ZNF277: variants seen among roughly 807,000 people sequenced by gnomAD.
The protein encoded by ZNF277 is zinc finger protein 277, also known as nuclear receptor-interacting factor 4.
Under a neutral mutation model 60.7 loss-of-function variants are expected in ZNF277, and 55 were observed. The ratio of observed to expected loss-of-function variants is 0.91; its 90% CI spans 0.73 to 1.13. ZNF277 has a LOEUF of 1.13. ZNF277 is among the 50% of genes most tolerant of loss of function. The pLI, the probability that ZNF277 is intolerant of heterozygous loss-of-function variation, is 0.00. For synonymous variants in ZNF277, 178 were observed against 179.3 expected (o/e 0.99, Z 0.06); for missense variants, 510 against 523.0 (o/e 0.98, Z 0.24).
intron 1 of ZNF277, among the ~76,000 whole-genome samples, chr7:112,209,129 CA>C (rs1821670116): frequency 6.6e-6 from 1 of 151,882 alleles, no homozygotes; most frequent in African/African-American, 2.4e-5. Context: ...CATCATATTC[CA>C]AAATATGATT....
At position 112,340,962 on chromosome 7, in the gene ZNF277, A is replaced by T. The variant is rs1479088019; in HGVS notation, c.1100A>T (p.Lys367Ile). Residue 367 changes from lysine (K) to isoleucine (I), a missense_variant, in exon 11 of 12, where the codon AAA becomes ATA. Lys to Ile is a moderately radical substitution (Grantham distance 102, BLOSUM62 -3). Coordinates refer to ENST00000361822, the MANE Select transcript of ZNF277 (RefSeq NM_021994.3). Reference sequence around the variant, plus strand: ...TGTTATGGCTGCCATGTGAAGTTCAAATCCAAAGCAGACTTAAGAACTCAC... The same window carrying T: ...TGTTATGGCTGCCATGTGAAGTTCATATCCAAAGCAGACTTAAGAACTCAC... ...CRCYGCHVKF[K>I]SKADLRTHME... 1 of 1,612,904 alleles carries T rather than the reference A, an allele frequency of 6.2e-7. No homozygotes were observed. The highest frequency in any genetic ancestry group is 8.5e-7 in the Non-Finnish European group (1 of 1,179,606).
rs79338360 is a variant in ZNF277, at chr7:112,332,400, G to A, written c.801+2184G>A. Among the ~76,000 whole-genome samples, 1,060 of 152,128 alleles carry A rather than the reference G, an allele frequency of 7.0e-3. 5 individuals are homozygous for A. Among genetic ancestry groups the A allele is most frequent in the South Asian group, 0.024 (114 of 4,804 alleles). On this transcript the variant is annotated intron_variant, in intron 7 of 11. Coordinates refer to ENST00000361822, the MANE Select transcript of ZNF277 (RefSeq NM_021994.3). The stretch of plus-strand genomic sequence containing the variant: ...AATTTTCCAAAGGTCACATGGCTAG[G>A]GCAAGTTACTTATCCTGTGCATCAG...
At chr7:112,210,841 C>T (rs1056791217) in intron 1 of ZNF277, among the ~76,000 whole-genome samples, 1 of 152,150 alleles carries the variant, frequency 6.6e-6, no homozygotes, top group African/African-American at 2.4e-5. Flanking sequence ...CAATTTGTCT[C>T]CTAAAATTAA....
intron 1 of ZNF277, among the ~76,000 whole-genome samples, chr7:112,227,127 G>A (rs1051768363): frequency 1.1e-4 from 16 of 152,130 alleles, no homozygotes; most frequent in Admixed American, 3.9e-4. Flanking sequence ...GACTTTGAAT[G>A]CATCTTATTT....
rs1002391884 is a variant in ZNF277, at chr7:112,340,779, T to G, written c.1010-93T>G. The G allele has an allele frequency of 4.6e-5, 48 of 1,050,846 alleles. No homozygotes were observed. The Admixed American group carries it at 6.0e-4, about 13-fold the overall frequency. The allele number at this position is 1,050,846 out of a possible 1,614,324, so 65.1% of individuals were successfully genotyped here. ...AATTGTACTGCCTCTTCAGGTTGATTAATAAAAATAAGTGGCTCCTTTAAG... is the reference window on the plus strand; with the variant it reads ...AATTGTACTGCCTCTTCAGGTTGATGAATAAAAATAAGTGGCTCCTTTAAG... On this transcript the variant is annotated intron_variant, in intron 10 of 11. Transcript: ENST00000361822.
intron 1 of ZNF277, among the ~76,000 whole-genome samples, chr7:112,210,444 C>T (rs1186389478): frequency 2.7e-5 from 4 of 146,400 alleles, no homozygotes; most frequent in Non-Finnish European, 4.5e-5. Context: ...GATTTTTTTG[C>T]TTTTTTTGTT....
intron 1 of ZNF277, among the ~76,000 whole-genome samples, chr7:112,255,035 A>G: frequency 6.6e-6 from 1 of 152,192 alleles, no homozygotes; most frequent in East Asian, 1.9e-4. Context: ...CTATAGTAGT[A>G]GGTAATGACT....
chr7:112,218,013 C>T (rs187971649), intron 1 of ZNF277, among the ~76,000 whole-genome samples: 1 of 152,230 alleles, frequency 6.6e-6, no homozygotes, highest in East Asian at 1.9e-4. Flanking sequence ...GATTCCCTAT[C>T]CACCAAATTA....
chr7:112,317,153 G>T (rs373330574), intron 4 of ZNF277, among the ~76,000 whole-genome samples: 3 of 152,024 alleles, frequency 2.0e-5, no homozygotes, highest in Non-Finnish European at 4.4e-5. Flanking sequence ...CCTATCAGGG[G>T]TTGAGGGGCT....
chr7:112,312,290 C>T (rs924324955), intron 4 of ZNF277, among the ~76,000 whole-genome samples: 4 of 152,042 alleles, frequency 2.6e-5, no homozygotes, highest in East Asian at 1.9e-4. Flanking sequence ...AAGATTTAGA[C>T]GTAGAATACC....
At chr7:112,264,240 C>A (rs751252122) in intron 1 of ZNF277, among the ~76,000 whole-genome samples, 1 of 151,824 alleles carries the variant, frequency 6.6e-6, no homozygotes, top group Admixed American at 6.6e-5. Flanking sequence ...AACCCGTTGC[C>A]CTGGCCTACA....
chr7:112,307,205 G>C lies in ZNF277; in HGVS notation c.465+10894G>C, dbSNP rs1045293815. On this transcript the variant is annotated intron_variant, in intron 4 of 11. Transcript: ENST00000361822. ...CTGAGAACTTGGAGGAAGCCCATGG[G>C]GGGAGTTGGACCCCTTGTGTCTAGG... is the stretch of plus-strand genomic sequence containing the variant. Among the ~76,000 whole-genome samples, 10 of 152,134 alleles carry C rather than the reference G, an allele frequency of 6.6e-5. No homozygotes were observed. The East Asian group carries it at 1.2e-3, about 18-fold the overall frequency.
At chr7:112,257,994 G>A (rs1399956807) in intron 1 of ZNF277, among the ~76,000 whole-genome samples, 3 of 151,564 alleles carry the variant, frequency 2.0e-5, no homozygotes, top group Non-Finnish European at 4.4e-5. Context: ...TTTTTTCTTT[G>A]TAGAGACAGG....
chr7:112,257,363 G>GA (rs144406571), intron 1 of ZNF277, among the ~76,000 whole-genome samples: 6,579 of 152,156 alleles, frequency 0.043, 337 homozygotes, highest in African/African-American at 0.13. Context: ...AAACTGGCAG[G>GA]AAAAATAGAC....
chr7:112,281,009 C>A (rs918207562), intron 1 of ZNF277, among the ~76,000 whole-genome samples: 8 of 152,220 alleles, frequency 5.3e-5, no homozygotes, highest in Non-Finnish European at 1.2e-4. Flanking sequence ...ACAAATCTTA[C>A]TGAATTATGT....
rs201592352 is a variant in ZNF277 at position 112,295,893 on chromosome 7, G to T, written c.318G>T (p.Arg106Ser). The T allele has an allele frequency of 4.1e-4, 668 of 1,612,508 alleles. No homozygotes were observed. The highest frequency in any genetic ancestry group is 4.3e-4 in the Non-Finnish European group (502 of 1,178,974). Residue 106 changes from arginine (R) to serine (S), a missense_variant, in exon 3 of 12, where the codon AGG (arginine) becomes AGT (serine). Arg to Ser is a moderately radical substitution (Grantham distance 110). Coordinates refer to ENST00000361822, the MANE Select transcript of ZNF277 (RefSeq NM_021994.3). ...FQRYILYWRK[R>S]FTEQPITDFC... ...GGTACATTTTATATTGGAGGAAAAG[G>T]TTCACTGAACAGCCCATCACAGATT...
chr7:112,314,402 T>C (rs1000718849), intron 4 of ZNF277, among the ~76,000 whole-genome samples: 1 of 152,240 alleles, frequency 6.6e-6, no homozygotes, highest in South Asian at 2.1e-4. Context: ...AGAACCGCTA[T>C]TGAGAATAAT....
At position 112,254,874 on chromosome 7, in the gene ZNF277, G is replaced by A. The variant is rs117985438; in HGVS notation, c.92-31999G>A. ...TAGTCCCAGCTACTCTGAAGGCTGA[G>A]GTGGGAGGATTGCTTGAGCCCAGGG... On this transcript the variant is annotated intron_variant, in intron 1 of 11. Coordinates refer to ENST00000361822, the MANE Select transcript of ZNF277 (RefSeq NM_021994.3). 7.6e-4 allele frequency among the ~76,000 whole-genome samples: 116 copies of A among 152,220 alleles called. 3 individuals are homozygous for A. The East Asian group carries it at 0.021, about 28-fold the overall frequency.
chr7:112,274,051 A>G (rs534160169), intron 1 of ZNF277, among the ~76,000 whole-genome samples: 2 of 151,208 alleles, frequency 1.3e-5, no homozygotes, highest in East Asian at 3.9e-4. Flanking sequence ...AGATATATAT[A>G]TATATATATC....
Sources: allele counts gnomAD v4.1 joint callset (sites outside exome capture counted in the v4.1 genomes callset), GRCh38; gene constraint gnomAD v4.1.1; transcripts MANE v1.5; gene names NCBI Gene and HGNC (gene_info 2026-07-23, HGNC 2026-07-21).